The following GRID2 variants were observed in gnomAD, a reference collection of about 807,000 sequenced individuals.
The protein encoded by GRID2 is glutamate ionotropic receptor delta type subunit 2, also known as glutamate receptor ionotropic, delta-2.
GRID2 carries 33 observed loss-of-function variants against 114.8 expected under a neutral mutation model. The ratio of observed to expected loss-of-function variants is 0.29; its 90% CI spans 0.22 to 0.38. GRID2 has a LOEUF of 0.38. Among genes scored for constraint, GRID2 ranks in the 10% least tolerant of loss-of-function variants. The pLI is 1.00. For synonymous variants in GRID2, 505 were observed against 449.9 expected (o/e 1.12, Z -1.55); for missense variants, 1,184 against 1,257.7 (o/e 0.94, Z 0.89).
chr4:92,720,410 C>G (rs1463589964), intron 2 of GRID2, among the ~76,000 whole-genome samples: 2 of 151,834 alleles, frequency 1.3e-5, no homozygotes, highest in Admixed American at 1.3e-4. Flanking sequence ...GAAATTCATA[C>G]TCAGATGAGT....
chr4:93,268,333 C>T (rs1463198211), intron 8 of GRID2, among the ~76,000 whole-genome samples: 1 of 152,252 alleles, frequency 6.6e-6, no homozygotes, highest in East Asian at 1.9e-4. Flanking sequence ...TTTTTGGTCT[C>T]ATCTTATAGG....
chr4:93,257,363 G>C (rs1022794085), intron 8 of GRID2, among the ~76,000 whole-genome samples: 2 of 151,726 alleles, frequency 1.3e-5, no homozygotes, highest in African/African-American at 4.8e-5. Flanking sequence ...TTTCACTTCA[G>C]TGCAATGACA....
At chr4:93,775,851 A>G (rs1734359077), downstream of GRID2, among the ~76,000 whole-genome samples, 1 of 152,130 alleles carries the variant, frequency 6.6e-6, no homozygotes, top group Admixed American at 6.5e-5. Context: ...TGATCATGTT[A>G]TTTTTCATCT....
At chr4:93,565,010 G>A (rs931178800) in intron 13 of GRID2, among the ~76,000 whole-genome samples, 1 of 151,672 alleles carries the variant, frequency 6.6e-6, no homozygotes, top group East Asian at 1.9e-4. Flanking sequence ...AATATTATAT[G>A]GCTTTTGAAA....
At chr4:93,143,309 T>C (rs967892416) in intron 4 of GRID2, among the ~76,000 whole-genome samples, 1 of 152,230 alleles carries the variant, frequency 6.6e-6, no homozygotes, top group Admixed American at 6.5e-5. Context: ...AATCACCATG[T>C]TCCTTGTTAA....
intron 8 of GRID2, among the ~76,000 whole-genome samples, chr4:93,292,260 A>G (rs529907959): frequency 6.6e-6 from 1 of 152,308 alleles, no homozygotes; most frequent in East Asian, 1.9e-4. Flanking sequence ...GGGCTGGGGT[A>G]CTGTCTTCCC....
intron 1 of GRID2, among the ~76,000 whole-genome samples, chr4:92,327,368 G>T (rs1579185626): frequency 1.6e-5 from 2 of 125,328 alleles, no homozygotes; most frequent in Non-Finnish European, 3.5e-5. Context: ...CCTAGATTTT[G>T]TGTGTGTGTG....
At chr4:93,257,695 AT>A (rs1244127672) in intron 8 of GRID2, among the ~76,000 whole-genome samples, 1 of 151,404 alleles carries the variant, frequency 6.6e-6, no homozygotes, top group Non-Finnish European at 1.5e-5. Flanking sequence ...CCTTCCTTTA[AT>A]TTTGACAGCA....
rs182879610 is a variant in GRID2, at chr4:92,890,643, G to A, written c.245-194352G>A. Among the ~76,000 whole-genome samples the A allele has an allele frequency of 7.2e-3, 1,091 of 152,276 alleles. 19 individuals are homozygous for A. Among genetic ancestry groups the A allele is most frequent in the African/African-American group, 0.025 (1,036 of 41,554 alleles). On this transcript the variant is annotated intron_variant, in intron 2 of 15. Transcript: ENST00000282020. ...TGCTGGAGAGGATGAGGAGAAATAG[G>A]AATGCTTTTACACTGTTGGTGGGAG...
rs372298149 is a variant in GRID2 at position 93,114,544 on chromosome 4, T to C, written c.735+3591T>C. On this transcript the variant is annotated intron_variant, in intron 4 of 15. Transcript: ENST00000282020. ...CTGTGGACCAGTTATTCCACAGGCA[T>C]CTTAAGCAATGATGTAGGAATGGCA... Among the ~76,000 whole-genome samples the C allele has an allele frequency of 1.6e-4, 24 of 152,296 alleles. No homozygotes were observed. The East Asian group carries it at 3.1e-3, about 20-fold the overall frequency.
At chr4:92,907,488 T>A (rs193124335) in intron 2 of GRID2, among the ~76,000 whole-genome samples, 30 of 152,238 alleles carry the variant, frequency 2.0e-4, no homozygotes, top group African/African-American at 6.7e-4. Context: ...CTTGGCTCAC[T>A]TCAACCTCCA....
intron 2 of GRID2, among the ~76,000 whole-genome samples, chr4:93,070,177 G>C (rs1037771519): frequency 4.6e-5 from 7 of 152,208 alleles, no homozygotes; most frequent in African/African-American, 1.4e-4. Context: ...CCACATGACT[G>C]AGTGAAAAGC....
At chr4:93,312,829 G>A (rs565506183) in intron 8 of GRID2, among the ~76,000 whole-genome samples, 7 of 152,246 alleles carry the variant, frequency 4.6e-5, no homozygotes, top group South Asian at 2.1e-4. Flanking sequence ...TAATCAGAGC[G>A]TTGTTAATAT....
chr4:93,701,793 A>G (rs1727532147), intron 14 of GRID2, among the ~76,000 whole-genome samples: 1 of 152,012 alleles, frequency 6.6e-6, no homozygotes, highest in African/African-American at 2.4e-5. Context: ...GTTCAAGTCT[A>G]TCCTAAGCAA....
At chr4:93,662,630 C>T (rs1723597000) in intron 14 of GRID2, among the ~76,000 whole-genome samples, 1 of 152,090 alleles carries the variant, frequency 6.6e-6, no homozygotes, top group Admixed American at 6.5e-5. Context: ...AGGGTGTTTT[C>T]AAGCTGTCTT....
chr4:93,322,270 C>T lies in GRID2; in HGVS notation c.1246-73337C>T, dbSNP rs200355934. On this transcript the variant is annotated intron_variant, in intron 8 of 15. Transcript: ENST00000282020. ...GTCCAACTGTTCTCATTGTTGAATTCCCACCTATGAGTGAGAACATGTGGT... is the reference window on the plus strand; with the variant it reads ...GTCCAACTGTTCTCATTGTTGAATTTCCACCTATGAGTGAGAACATGTGGT... Among the ~76,000 whole-genome samples the T allele has an allele frequency of 5.9e-5, 9 of 152,124 alleles. No individual in the cohort carries two copies. The East Asian group carries it at 1.7e-3, about 29-fold the overall frequency.
intron 13 of GRID2, among the ~76,000 whole-genome samples, chr4:93,548,729 T>C (rs1733477783): frequency 6.6e-6 from 1 of 152,198 alleles, no homozygotes; most frequent in Non-Finnish European, 1.5e-5. Flanking sequence ...ATTCTAATAG[T>C]GCATTGAATC....
chr4:92,516,061 TCACA>T (rs1724486578), intron 1 of GRID2, among the ~76,000 whole-genome samples: 1 of 151,932 alleles, frequency 6.6e-6, no homozygotes, highest in Non-Finnish European at 1.5e-5. Flanking sequence ...AAAAGAAAAG[TCACA>T]CAAGGCTTGT....
intron 14 of GRID2, among the ~76,000 whole-genome samples, chr4:93,656,074 A>C (rs1722965335): frequency 6.6e-6 from 1 of 151,944 alleles, no homozygotes; most frequent in African/African-American, 2.4e-5. Flanking sequence ...ATGTATCTTC[A>C]GTACATCAAG....
Sources: allele counts gnomAD v4.1 joint callset (sites outside exome capture counted in the v4.1 genomes callset), GRCh38; gene constraint gnomAD v4.1.1; transcripts MANE v1.5; gene names NCBI Gene and HGNC (gene_info 2026-07-23, HGNC 2026-07-21).